Variants in CCDC25 observed in about 807,000 individuals in gnomAD.
CCDC25 encodes coiled-coil domain containing 25.
A neutral mutation model predicts 35.3 loss-of-function variants in CCDC25; 16 were observed. The ratio of observed to expected loss-of-function variants is 0.45; its 90% CI spans 0.31 to 0.69. The LOEUF (loss-of-function observed/expected upper bound fraction) is 0.69, where lower values mean the gene tolerates loss of function less well. CCDC25 is among the 30% of genes least tolerant of loss of function. CCDC25 has a pLI of 0.06. For synonymous variants in CCDC25, 79 were observed against 80.3 expected (o/e 0.98, Z 0.09); for missense variants, 179 against 250.7 (o/e 0.71, Z 1.93).
chr8:27,746,035 A>G (rs1803591142), intron 7 of CCDC25, among the ~76,000 whole-genome samples: 1 of 152,238 alleles, frequency 6.6e-6, no homozygotes, highest in Non-Finnish European at 1.5e-5. Context: ...GTTTTGGTGG[A>G]CAAATTTTGT....
In CCDC25 at chr8:27,737,066, G is replaced by T. The variant is rs1803256852; in HGVS notation, c.598-821C>A. 6.6e-6 allele frequency among the ~76,000 whole-genome samples: 1 copy of T among 152,184 alleles called. No individual in the cohort carries two copies. Among genetic ancestry groups the T allele is most frequent in the Non-Finnish European group, 1.5e-5 (1 of 68,038 alleles). On this transcript the variant is annotated intron_variant, in intron 8 of 8. Transcript: ENST00000356537. This position sits in a 1 kb window ranked among gnomAD's most constrained non-coding sequence, Gnocchi z 4.6. ...GCTTATCTAAATGGCCCTTATTAAA[G>T]ATGGTAGAGAAATACGATATGGGTA...
intron 3 of CCDC25, among the ~76,000 whole-genome samples, chr8:27,761,497 G>C (rs899947968): frequency 1.3e-5 from 2 of 152,220 alleles, no homozygotes; most frequent in Non-Finnish European, 2.9e-5. Flanking sequence ...ATATAGTTAA[G>C]TGCTTGACAG....
At chr8:27,764,431 G>T in intron 2 of CCDC25, 1 of 369,856 alleles carries the variant, frequency 2.7e-6, no homozygotes, top group East Asian at 1.1e-4. Context: ...ACTATGCCCA[G>T]CTAATATTTT....
At chr8:27,747,997 G>T in intron 7 of CCDC25, 80 bp downstream of exon 7, 2 of 1,358,610 alleles carry the variant, frequency 1.5e-6, no homozygotes, top group Non-Finnish European at 1.0e-6. Flanking sequence ...CCAATATATC[G>T]TTCTTAATGG....
chr8:27,744,678 C>T (rs969066391), intron 7 of CCDC25, among the ~76,000 whole-genome samples: 2 of 152,196 alleles, frequency 1.3e-5, no homozygotes, highest in African/African-American at 4.8e-5. Flanking sequence ...CTACAATGTA[C>T]CTAATTTTTC....
At chr8:27,765,381 C>G in intron 1 of CCDC25, 130 bp from the exon 2 acceptor site, 1 of 727,570 alleles carries the variant, frequency 1.4e-6, no homozygotes, top group South Asian at 2.1e-5. Context: ...ATCCAGCCTA[C>G]CACCTGTTTT....
At chr8:27,738,194 T>G (rs1803309713) in intron 8 of CCDC25, among the ~76,000 whole-genome samples, 1 of 152,040 alleles carries the variant, frequency 6.6e-6, no homozygotes, top group Admixed American at 6.6e-5. Context: ...TGCACCAAAA[T>G]CTCACAAATT....
intron 4 of CCDC25, among the ~76,000 whole-genome samples, chr8:27,753,837 T>C (rs1464147520): frequency 6.6e-6 from 1 of 152,216 alleles, no homozygotes; most frequent in Non-Finnish European, 1.5e-5. Flanking sequence ...TCCTTCACCA[T>C]ATAGTCCTCA....
chr8:27,756,728 T>G lies in CCDC25; in HGVS notation c.159A>C (p.Arg53=). The G allele has an allele frequency of 6.2e-7, 1 of 1,610,260 alleles. No homozygotes were observed. The highest frequency in any genetic ancestry group is 8.5e-7 in the Non-Finnish European group (1 of 1,176,570). ...GTTTAAATTCAGTTACCTTATGTAA[T>G]CGAAGGTATACATGAGCCGAAGAGA... The part of the protein sequence containing the change: ...DKLSSAHVYL[R]LHKGENIEDI... The change falls in exon 4 of 9, where the codon CGA becomes CGC. Residue 53 remains arginine, a synonymous_variant. Transcript: ENST00000356537.
At chr8:27,752,638 A>G in intron 4 of CCDC25, 51 bp from the exon 5 acceptor site, 5 of 1,397,964 alleles carry the variant, frequency 3.6e-6, no homozygotes. Flanking sequence ...ATCCATTGAC[A>G]CTGGAGCACT....
Position 27,734,856 on chromosome 8 carries a change from C to G in CCDC25, c.*1360G>C, listed in dbSNP as rs1481133306. 5 of 152,028 alleles carry G rather than the reference C, an allele frequency of 3.3e-5. No individual in the cohort carries two copies. The highest frequency in any genetic ancestry group is 4.2e-4 in the South Asian group (2 of 4,798). 9.4% of individuals were successfully genotyped at this position (152,028 alleles called of 1,614,324 possible). A position where few individuals can be genotyped will look rare whatever the true frequency, so the allele number is the denominator to read the frequency against. ...AAGAATACATCTGAGAAAGGACATC[C>G]CTTTGACCCAGTGAGCAGCTGGAAG... On this transcript the variant is annotated 3_prime_UTR_variant, in exon 9 of 9. Transcript: ENST00000356537.
At chr8:27,756,011 G>A (rs1328811756) in intron 4 of CCDC25, among the ~76,000 whole-genome samples, 2 of 152,154 alleles carry the variant, frequency 1.3e-5, no homozygotes, top group Non-Finnish European at 2.9e-5. Flanking sequence ...AGGTGACAGC[G>A]ATGTGCCAAG....
chr8:27,765,562 C>T (rs1042606096), intron 1 of CCDC25, among the ~76,000 whole-genome samples: 1 of 151,924 alleles, frequency 6.6e-6, no homozygotes, highest in African/African-American at 2.4e-5. Flanking sequence ...TACTTTCCTA[C>T]TTTCTCAGGG....
intron 1 of CCDC25, among the ~76,000 whole-genome samples, chr8:27,769,474 TG>T (rs1354940819): frequency 6.6e-6 from 1 of 152,222 alleles, no homozygotes; most frequent in Non-Finnish European, 1.5e-5. Flanking sequence ...TTTCCATTGT[TG>T]GGTTTATATG....
In CCDC25 at chr8:27,734,661, A is replaced by T. The variant is rs1195469038; in HGVS notation, c.*1555T>A. ...TAAACCAGTGTAAGCTGAGTTAGGA[A>T]ATGTTTAAAGTTTGAGCCCCAGGAC... On this transcript the variant is annotated 3_prime_UTR_variant, in exon 9 of 9. Transcript: ENST00000356537. 1 of 152,146 alleles carries T rather than the reference A, an allele frequency of 6.6e-6. No individual in the cohort carries two copies. Among genetic ancestry groups the T allele is most frequent in the Non-Finnish European group, 1.5e-5 (1 of 68,012 alleles). The allele number at this position is 152,146 out of a possible 1,614,324, so 9.4% of individuals were successfully genotyped here. A position where few individuals can be genotyped will look rare whatever the true frequency, so the allele number is the denominator to read the frequency against.
intron 5 of CCDC25, among the ~76,000 whole-genome samples, chr8:27,749,938 T>C (rs1009160110): frequency 6.6e-6 from 1 of 152,180 alleles, no homozygotes; most frequent in Non-Finnish European, 1.5e-5. Flanking sequence ...AATTGATGAA[T>C]CTAAGTGAAT....
intron 7 of CCDC25, among the ~76,000 whole-genome samples, chr8:27,745,751 G>T (rs994666719): frequency 6.6e-6 from 1 of 152,206 alleles, no homozygotes; most frequent in Non-Finnish European, 1.5e-5. Context: ...CTGCAGCCCT[G>T]TGCCACGTTC....
chr8:27,749,258 G>A (rs1005456401), intron 5 of CCDC25, among the ~76,000 whole-genome samples: 20 of 152,020 alleles, frequency 1.3e-4, no homozygotes, highest in African/African-American at 4.8e-4. Context: ...TACCCTCCCT[G>A]GCAGCTCTGG....
At chr8:27,736,377 G>A (rs1451864595) in intron 8 of CCDC25, 132 bp from the exon 9 acceptor site, 1 of 681,226 alleles carries the variant, frequency 1.5e-6, no homozygotes, top group Non-Finnish European at 2.5e-6. Context: ...TAACTAAATT[G>A]ACTCATCACT....
Sources: gnomAD v4.1 joint callset for allele counts (sites outside exome capture counted in the v4.1 genomes callset) on GRCh38, gnomAD v4.1.1 for gene constraint, Gnocchi (gnomAD v3.1) non-coding constraint, MANE v1.5 for transcripts, NCBI Gene and HGNC (gene_info 2026-07-23, HGNC 2026-07-21) for gene names.